The following SPATA16 variants were observed in gnomAD, a reference collection of about 807,000 sequenced individuals.
SPATA16 encodes the protein spermatogenesis associated 16.
In SPATA16, 36 loss-of-function variants were observed where a neutral mutation model predicts 63.3. The ratio of observed to expected loss-of-function variants is 0.57; its 90% CI spans 0.44 to 0.75. The LOEUF (loss-of-function observed/expected upper bound fraction) is 0.75. Ranked by LOEUF, SPATA16 falls within the 30% of genes least tolerant of loss-of-function variation. The pLI is 0.00. For synonymous variants in SPATA16, 203 were observed against 216.7 expected, an observed-to-expected ratio of 0.94 and a Z score of 0.56; for missense variants, 646 against 679.3, an observed-to-expected ratio of 0.95 and a Z score of 0.54.
In SPATA16 at chr3:172,902,061, G is replaced by A. The variant is rs145329219; in HGVS notation, c.1587+11600C>T. 3.8e-3 allele frequency among the ~76,000 whole-genome samples: 580 copies of A among 152,088 alleles called. 5 individuals carry two copies. The highest frequency in any genetic ancestry group is 0.013 in the African/African-American group (553 of 41,470). On this transcript the variant is annotated intron_variant, in intron 10 of 10. Transcript: ENST00000351008. ...CCTTGTGTTTTTATTTTTGAGAGAC[G>A]GAGTCTTGCTCTGTCACCCAGGCTG...
chr3:173,011,580 C>T (rs1735075393), intron 4 of SPATA16, among the ~76,000 whole-genome samples: 1 of 152,054 alleles, frequency 6.6e-6, no homozygotes, highest in African/African-American at 2.4e-5. Context: ...AGCTCTTATT[C>T]AACATCGTAC....
At chr3:173,112,201 C>A (rs1262064302) in intron 2 of SPATA16, among the ~76,000 whole-genome samples, 2 of 152,158 alleles carry the variant, frequency 1.3e-5, no homozygotes. Flanking sequence ...ATAGAAACAC[C>A]TGCTTAAGAA....
chr3:172,937,312 G>A (rs553085964), intron 6 of SPATA16, among the ~76,000 whole-genome samples: 3 of 152,296 alleles, frequency 2.0e-5, no homozygotes, highest in South Asian at 4.1e-4. Flanking sequence ...AGCAGCAGCT[G>A]TGCTTCAGTT....
chr3:173,033,176 A>T (rs1168901372), intron 3 of SPATA16, among the ~76,000 whole-genome samples: 1 of 152,086 alleles, frequency 6.6e-6, no homozygotes, highest in Non-Finnish European at 1.5e-5. Flanking sequence ...AAAAATATAT[A>T]TTTTTTTATA....
intron 1 of SPATA16, among the ~76,000 whole-genome samples, chr3:173,127,967 T>G (rs1738270656): frequency 6.6e-6 from 1 of 152,162 alleles, no homozygotes; most frequent in Non-Finnish European, 1.5e-5. Flanking sequence ...TCCTAACTCA[T>G]GACATCATAA....
At chr3:173,003,208 C>T (rs1348794531) in intron 4 of SPATA16, among the ~76,000 whole-genome samples, 3 of 151,910 alleles carry the variant, frequency 2.0e-5, no homozygotes, top group Admixed American at 6.6e-5. Context: ...GACAAACAAT[C>T]CAGTAAAAAG....
In SPATA16 at chr3:172,889,503, G is replaced by T; in HGVS notation, c.*67C>A. On this transcript the variant is annotated 3_prime_UTR_variant, in exon 11 of 11. Transcript: ENST00000351008. ...TATCCAGCTTCACAGTACTAGGTGG[G>T]CATTGGAGTGGATGCCCTTGCCTCT... The T allele has an allele frequency of 6.2e-7, 1 of 1,606,392 alleles. No homozygotes were observed. The highest frequency in any genetic ancestry group is 8.5e-7 in the Non-Finnish European group (1 of 1,175,326).
At chr3:173,083,630 A>G (rs1515440) in intron 2 of SPATA16, among the ~76,000 whole-genome samples, 64,197 of 151,610 alleles carry the variant, frequency 0.42, 15,222 homozygotes, top group African/African-American at 0.65. Context: ...TTTTCCTGAT[A>G]CTCTCCTTCC....
intron 2 of SPATA16, among the ~76,000 whole-genome samples, chr3:173,063,013 A>G (rs1007182984): frequency 6.6e-6 from 1 of 152,176 alleles, no homozygotes; most frequent in African/African-American, 2.4e-5. Context: ...CCCTGTTCCT[A>G]GCAGGCCACG....
intron 6 of SPATA16, among the ~76,000 whole-genome samples, chr3:172,936,874 A>AT (rs1206649274): frequency 1.3e-5 from 2 of 151,550 alleles, no homozygotes; most frequent in African/African-American, 2.4e-5. Context: ...TGGCCAGCTA[A>AT]TTTTTTTTGT....
At chr3:172,999,813 A>G (rs576271509) in intron 4 of SPATA16, among the ~76,000 whole-genome samples, 50 of 152,338 alleles carry the variant, frequency 3.3e-4, no homozygotes, top group African/African-American at 1.2e-3. Flanking sequence ...TAGCCTGGCT[A>G]GAAACATCAA....
intron 10 of SPATA16, among the ~76,000 whole-genome samples, chr3:172,911,598 A>G (rs1732373454): frequency 6.6e-6 from 1 of 152,106 alleles, no homozygotes; most frequent in Admixed American, 6.5e-5. Context: ...CTTTCTCCCA[A>G]CTGAATTCTA....
At chr3:173,004,020 T>G (rs1284450350) in intron 4 of SPATA16, among the ~76,000 whole-genome samples, 1 of 152,220 alleles carries the variant, frequency 6.6e-6, no homozygotes, top group Non-Finnish European at 1.5e-5. Flanking sequence ...CACATGCCTC[T>G]CTGGCTTGAC....
chr3:172,973,872 C>T (rs1021183164), intron 5 of SPATA16, among the ~76,000 whole-genome samples: 2 of 152,112 alleles, frequency 1.3e-5, no homozygotes, highest in African/African-American at 4.8e-5. Context: ...TGGCTGATTA[C>T]AGATGCCTGG....
intron 6 of SPATA16, among the ~76,000 whole-genome samples, chr3:172,954,568 G>A (rs373911018): frequency 1.3e-5 from 2 of 152,182 alleles, no homozygotes; most frequent in East Asian, 3.8e-4. Context: ...GGCTACTGAT[G>A]CAGCTCTAAT....
chr3:173,010,415 A>G (rs979976686), intron 4 of SPATA16, among the ~76,000 whole-genome samples: 1 of 149,402 alleles, frequency 6.7e-6, no homozygotes, highest in Admixed American at 6.7e-5. Flanking sequence ...ACCCGGCCTG[A>G]CCACTCTGGC....
chr3:172,949,185 T>A (rs992775694), intron 6 of SPATA16, among the ~76,000 whole-genome samples: 5 of 152,110 alleles, frequency 3.3e-5, no homozygotes, highest in Admixed American at 6.6e-5. Flanking sequence ...GATTTTTTTA[T>A]GTGTGTGATA....
At position 172,973,747 on chromosome 3, in the gene SPATA16, A is replaced by T. The variant is rs533694379; in HGVS notation, c.933+3221T>A. On this transcript the variant is annotated intron_variant, in intron 5 of 10. Coordinates refer to ENST00000351008, the MANE Select transcript of SPATA16 (RefSeq NM_031955.6). ...TAAAATTAGTGTAGGACCAATATAT[A>T]AATACGATAGGGCAGCTATTTCAAA... 1.3e-3 allele frequency among the ~76,000 whole-genome samples: 194 copies of T among 152,262 alleles called. 2 individuals are homozygous for T. The highest frequency in any genetic ancestry group is 4.4e-3 in the African/African-American group (183 of 41,542).
chr3:173,031,162 C>T (rs897108637), intron 3 of SPATA16, among the ~76,000 whole-genome samples: 4 of 151,674 alleles, frequency 2.6e-5, no homozygotes, highest in African/African-American at 9.7e-5. Context: ...GCCTGCACAA[C>T]GTGAAAGTAC....
Sources: gnomAD v4.1 joint callset for allele counts (sites outside exome capture counted in the v4.1 genomes callset) on GRCh38, gnomAD v4.1.1 for gene constraint, MANE v1.5 for transcripts, NCBI Gene and HGNC (gene_info 2026-07-23, HGNC 2026-07-21) for gene names.